The following SYNE2 variants were observed in gnomAD, a reference collection of about 807,000 sequenced individuals.
SYNE2 encodes the protein nesprin-2.
Under a neutral mutation model 856.3 loss-of-function variants are expected in SYNE2, and 431 were observed. The ratio of observed to expected loss-of-function variants is 0.50; its 90% CI spans 0.47 to 0.55. The LOEUF (loss-of-function observed/expected upper bound fraction) is 0.55, where lower values mean the gene tolerates loss of function less well. Among genes scored for constraint, SYNE2 ranks in the 20% least tolerant of loss-of-function variants. The pLI is 0.00. For synonymous variants in SYNE2, 2,923 were observed against 2,872.3 expected (o/e 1.02, Z -0.56); for missense variants, 8,129 against 8,023.2 (o/e 1.01, Z -0.50).
At chr14:64,198,676 G>A (rs2098549750) in intron 99 of SYNE2, among the ~76,000 whole-genome samples, 1 of 152,122 alleles carries the variant, frequency 6.6e-6, no homozygotes, top group African/African-American at 2.4e-5. Flanking sequence ...TGCCTGTGAT[G>A]TGAATGTCCG....
At chr14:63,840,567 C>T (rs1336080109) in intron 1 of SYNE2, among the ~76,000 whole-genome samples, 1 of 149,596 alleles carries the variant, frequency 6.7e-6, no homozygotes, top group East Asian at 2.0e-4. Flanking sequence ...CCTTGAATTC[C>T]TGGGTTTAAG....
In SYNE2 at chr14:64,210,506, A is replaced by AC. The variant is rs368458289; in HGVS notation, c.18723+390dup. Among the ~76,000 whole-genome samples, 624 of 148,608 alleles carry AC rather than the reference A, an allele frequency of 4.2e-3. 11 individuals carry two copies. The highest frequency in any genetic ancestry group is 0.011 in the South Asian group (51 of 4,622). On this transcript the variant is annotated intron_variant, in intron 103 of 115. Transcript: ENST00000555002. ...TTGCCCATCTGTCTGTTTTTATGGG[A>AC]CCCCCCCCAGCTCTCGCACTGAGGA...
intron 1 of SYNE2, among the ~76,000 whole-genome samples, chr14:63,815,217 C>CGGATATAT (rs1261513232): frequency 5.7e-5 from 2 of 35,192 alleles, no homozygotes; most frequent in African/African-American, 1.2e-4. Flanking sequence ...TATATATATC[C>CGGATATAT]ATATATATAT....
chr14:64,094,349 A>T (rs1011502580), intron 61 of SYNE2, among the ~76,000 whole-genome samples: 2 of 152,056 alleles, frequency 1.3e-5, no homozygotes, highest in Non-Finnish European at 2.9e-5. Context: ...AATTAAAAAA[A>T]ATAAAAAATA....
rs920560352 is a variant in SYNE2 at position 63,829,548 on chromosome 14, T to G, written c.-304-22953T>G. Among the ~76,000 whole-genome samples, 4 of 152,196 alleles carry G rather than the reference T, an allele frequency of 2.6e-5. No individual in the cohort carries two copies. In the South Asian group the frequency reaches 8.3e-4, roughly 32 times the overall value. ...ACTCAAGATGAATGATTAAAACGTATCTACACAAAAACTTATGCCCAAATT... is the reference window on the plus strand; with the variant it reads ...ACTCAAGATGAATGATTAAAACGTAGCTACACAAAAACTTATGCCCAAATT... On this transcript the variant is annotated intron_variant, in intron 1 of 23. Coordinates refer to the SYNE2 transcript ENST00000674003.
In SYNE2 at chr14:64,130,170, G is replaced by GC; in HGVS notation, c.14262_14263insC (p.Lys4755GlnfsTer15). On this transcript the variant is annotated frameshift_variant, in exon 76 of 116. Transcript: ENST00000555002. LOFTEE classifies it high-confidence loss of function. Reference sequence around the variant, plus strand: ...GCATGGTGGAACTGGTGAAGATTGGGAAGGAAAAGCTTGCTCATGGCCACT... The same window carrying GC: ...GCATGGTGGAACTGGTGAAGATTGGGCAAGGAAAAGCTTGCTCATGGCCACT... The GC allele has an allele frequency of 6.2e-7, 1 of 1,614,170 alleles. No individual in the cohort carries two copies. The highest frequency in any genetic ancestry group is 8.5e-7 in the Non-Finnish European group (1 of 1,180,030).
intron 1 of SYNE2, among the ~76,000 whole-genome samples, chr14:63,795,978 T>C (rs1015098885): frequency 6.6e-6 from 1 of 152,168 alleles, no homozygotes; most frequent in Non-Finnish European, 1.5e-5. Context: ...AGGGTGAGGA[T>C]AGGAGTGGGG....
chr14:64,049,892 T>C lies in SYNE2; in HGVS notation c.7643+16T>C, dbSNP rs529785555. The C allele has an allele frequency of 1.9e-4, 309 of 1,613,056 alleles. 3 individuals carry two copies. In the South Asian group the frequency reaches 3.3e-3, roughly 17 times the overall value. ...GTCTTAAAGTGTAAGTGTAAGAATT[T>C]AGGACTTGCATTCTTTTTATTCAAG... On this transcript the variant is annotated intron_variant, in intron 47 of 115. Coordinates refer to ENST00000555002, the MANE Select transcript of SYNE2 (RefSeq NM_182914.3).
intron 103 of SYNE2, 23 bp from the exon 104 acceptor site, chr14:64,211,938 T>A: frequency 1.2e-6 from 2 of 1,614,114 alleles, no homozygotes; most frequent in Non-Finnish European, 1.7e-6. Context: ...AGTAGAAATG[T>A]GATTTCCTCC....
chr14:63,850,079 CTT>C (rs66964099), upstream of SYNE2, among the ~76,000 whole-genome samples: 3,806 of 130,358 alleles, frequency 0.029, 173 homozygotes, highest in African/African-American at 0.1. Flanking sequence ...TGACAACATA[CTT>C]TTTTTTTTTT....
intron 101 of SYNE2, 132 bp downstream of exon 101, chr14:64,209,077 A>G: frequency 8.7e-7 from 1 of 1,153,802 alleles, no homozygotes; most frequent in South Asian, 1.3e-5. Context: ...AGAAGGCCCA[A>G]CGCTTATCAA....
chr14:63,819,013 A>G (rs551594340), intron 1 of SYNE2, among the ~76,000 whole-genome samples: 2 of 151,162 alleles, frequency 1.3e-5, no homozygotes, highest in Admixed American at 1.3e-4. Flanking sequence ...TTTTTTTTTC[A>G]ATATTGTACT....
At chr14:63,917,408 T>C (rs886796058) in intron 2 of SYNE2, among the ~76,000 whole-genome samples, 3 of 152,212 alleles carry the variant, frequency 2.0e-5, no homozygotes, top group Admixed American at 6.5e-5. Context: ...GTAACTGATA[T>C]TGTCTTTTGC....
chr14:64,030,992 T>C (rs74413846), intron 44 of SYNE2, 24 bp from the exon 45 acceptor site: 64,313 of 1,553,364 alleles, frequency 0.041, 1,570 homozygotes, highest in Non-Finnish European at 0.048. Flanking sequence ...AATGGAGATA[T>C]AACAATCTTT....
At chr14:63,792,118 T>C (rs1887759583) in intron 1 of SYNE2, among the ~76,000 whole-genome samples, 1 of 151,844 alleles carries the variant, frequency 6.6e-6, no homozygotes, top group East Asian at 1.9e-4. Flanking sequence ...ACCATACGAG[T>C]AATTACATTA....
intron 53 of SYNE2, 72 bp from the exon 54 acceptor site, chr14:64,075,873 G>T: frequency 6.5e-7 from 1 of 1,539,994 alleles, no homozygotes; most frequent in Non-Finnish European, 9.0e-7. Flanking sequence ...GTGCTGGAAG[G>T]CTGCTTTCAC....
chr14:64,125,835 T>C (rs2097939815), intron 71 of SYNE2, among the ~76,000 whole-genome samples: 1 of 152,086 alleles, frequency 6.6e-6, no homozygotes, highest in Admixed American at 6.6e-5. Flanking sequence ...TAAATGACAC[T>C]TTCCCCCTCC....
intron 67 of SYNE2, 116 bp downstream of exon 67, chr14:64,119,725 A>G: frequency 9.6e-7 from 1 of 1,041,990 alleles, no homozygotes; most frequent in Non-Finnish European, 1.4e-6. Context: ...ACTAAGTGTG[A>G]AAGAATTTCA....
At chr14:63,789,619 A>G (rs1193347539) in intron 1 of SYNE2, among the ~76,000 whole-genome samples, 1 of 152,034 alleles carries the variant, frequency 6.6e-6, no homozygotes, top group Non-Finnish European at 1.5e-5. Flanking sequence ...CTGTCTCTTA[A>G]CTAAAAATAC....
Sources: allele counts gnomAD v4.1 joint callset (sites outside exome capture counted in the v4.1 genomes callset), GRCh38; gene constraint gnomAD v4.1.1; transcripts MANE v1.5; gene names NCBI Gene and HGNC (gene_info 2026-07-23, HGNC 2026-07-21).